BCAS1: variants seen among roughly 807,000 people sequenced by gnomAD.
BCAS1 encodes breast carcinoma-amplified sequence 1.
In BCAS1, 46 loss-of-function variants were observed where a neutral mutation model predicts 65.4. That is an observed-to-expected ratio of 0.70 (90% confidence interval 0.55 to 0.90). BCAS1 has a LOEUF of 0.90. Among genes scored for constraint, BCAS1 ranks in the 40% least tolerant of loss-of-function variants. BCAS1 has a pLI of 0.00. For synonymous variants in BCAS1, 298 were observed against 293.5 expected, an observed-to-expected ratio of 1.02 and a Z score of -0.16; for missense variants, 793 against 771.2, an observed-to-expected ratio of 1.03 and a Z score of -0.33.
intron 12 of BCAS1, among the ~76,000 whole-genome samples, chr20:53,952,849 C>T (rs2145501806): frequency 6.6e-6 from 1 of 152,356 alleles, no homozygotes; most frequent in South Asian, 2.1e-4. Flanking sequence ...GCAGTGCTCT[C>T]TGAACCTCTT....
intron 10 of BCAS1, among the ~76,000 whole-genome samples, chr20:53,964,553 T>C (rs571603851): frequency 1.2e-4 from 18 of 152,296 alleles, no homozygotes; most frequent in African/African-American, 2.6e-4. Context: ...TAAGAATCCA[T>C]TGGGGATTGC....
intron 3 of BCAS1, among the ~76,000 whole-genome samples, chr20:54,038,512 CA>C (rs2091936424): frequency 6.6e-6 from 1 of 151,166 alleles, no homozygotes. Flanking sequence ...CACAGCCTAG[CA>C]AACACTCCAC....
intron 3 of BCAS1, among the ~76,000 whole-genome samples, chr20:54,045,336 T>C (rs1013998751): frequency 6.6e-6 from 1 of 152,198 alleles, no homozygotes; most frequent in Non-Finnish European, 1.5e-5. Flanking sequence ...AGTATGTCTA[T>C]ACCTTGAAGT....
chr20:54,044,539 T>G lies in BCAS1; in HGVS notation c.142+13546A>C, dbSNP rs375564328. Among the ~76,000 whole-genome samples, 21 of 152,236 alleles carry G rather than the reference T, an allele frequency of 1.4e-4. 1 individual carries two copies. The highest frequency in any genetic ancestry group is 9.6e-4 in the East Asian group (5 of 5,186). ...GCCAATGTTTTATTTTTGAAAAATGTGAAGAAGAAATTTTCCGGCCGGGCG... is the reference window on the plus strand; with the variant it reads ...GCCAATGTTTTATTTTTGAAAAATGGGAAGAAGAAATTTTCCGGCCGGGCG... On this transcript the variant is annotated intron_variant, in intron 3 of 12. Coordinates refer to ENST00000688948, the MANE Select transcript of BCAS1 (RefSeq NM_001366298.2).
chr20:53,966,695 G>T (rs1187305916), intron 10 of BCAS1, among the ~76,000 whole-genome samples: 1 of 152,140 alleles, frequency 6.6e-6, no homozygotes, highest in East Asian at 1.9e-4. Context: ...ATTAAAGAAG[G>T]GTTAAAGAAT....
At chr20:53,981,149 G>A (rs747063790) in intron 8 of BCAS1, among the ~76,000 whole-genome samples, 9 of 152,172 alleles carry the variant, frequency 5.9e-5, no homozygotes, top group Non-Finnish European at 8.8e-5. Context: ...CATTTGCCCT[G>A]TTCCTAGTGA....
At chr20:54,065,329 T>C (rs1417929189) in intron 1 of BCAS1, among the ~76,000 whole-genome samples, 2 of 152,224 alleles carry the variant, frequency 1.3e-5, no homozygotes, top group African/African-American at 2.4e-5. Flanking sequence ...CTAAACGTTT[T>C]CTCCTTGGAA....
chr20:54,007,009 T>G (rs1218313651), intron 4 of BCAS1, among the ~76,000 whole-genome samples: 1 of 152,114 alleles, frequency 6.6e-6, no homozygotes, highest in Non-Finnish European at 1.5e-5. Flanking sequence ...GGTGAGGTGA[T>G]GGGCTGCTGG....
At chr20:53,951,726 C>T (rs1441524666) in intron 12 of BCAS1, among the ~76,000 whole-genome samples, 1 of 152,204 alleles carries the variant, frequency 6.6e-6, no homozygotes, top group Non-Finnish European at 1.5e-5. Flanking sequence ...ACAGCCTCAC[C>T]CACTTGGGTG....
chr20:53,989,646 C>A (rs1256538337), intron 7 of BCAS1, among the ~76,000 whole-genome samples: 1 of 152,156 alleles, frequency 6.6e-6, no homozygotes, highest in African/African-American at 2.4e-5. Context: ...TTCATTCCTG[C>A]CCACCACTCT....
chr20:53,990,507 G>A (rs1160248151), intron 7 of BCAS1, among the ~76,000 whole-genome samples: 1 of 152,070 alleles, frequency 6.6e-6, no homozygotes, highest in Non-Finnish European at 1.5e-5. Flanking sequence ...ACCAGAATTG[G>A]TAACTTTTTT....
chr20:54,054,006 C>T (rs1196116635), intron 3 of BCAS1, among the ~76,000 whole-genome samples: 1 of 152,160 alleles, frequency 6.6e-6, no homozygotes, highest in Non-Finnish European at 1.5e-5. Context: ...GGGGAGACCT[C>T]ACAATCATGG....
At chr20:54,012,467 T>TAA (rs11343372) in intron 4 of BCAS1, among the ~76,000 whole-genome samples, 278 of 108,146 alleles carry the variant, frequency 2.6e-3, no homozygotes, top group African/African-American at 9.0e-3. Flanking sequence ...AGTTAAAAAG[T>TAA]AAAAAAAAAA....
intron 10 of BCAS1, among the ~76,000 whole-genome samples, chr20:53,962,438 T>C (rs551346405): frequency 6.6e-6 from 1 of 152,276 alleles, no homozygotes; most frequent in African/African-American, 2.4e-5. Context: ...GTAAATGAAA[T>C]AAGGTAGGTG....
intron 4 of BCAS1, among the ~76,000 whole-genome samples, chr20:54,004,559 A>C (rs1381180000): frequency 1.3e-5 from 2 of 152,246 alleles, no homozygotes. Flanking sequence ...TGAAAGTGGC[A>C]CAAGACATAA....
At chr20:54,010,480 T>C (rs8119858) in intron 4 of BCAS1, among the ~76,000 whole-genome samples, 76 of 152,260 alleles carry the variant, frequency 5.0e-4, no homozygotes, top group African/African-American at 1.8e-3. Context: ...AAATTAAAAA[T>C]ACAATACCAT....
At chr20:53,967,156 C>T in intron 9 of BCAS1, 83 bp from the exon 10 acceptor site, 1 of 1,407,016 alleles carries the variant, frequency 7.1e-7, no homozygotes. Flanking sequence ...GTCCTTGTTG[C>T]CCCCCTGTCC....
At chr20:54,063,759 A>G (rs462174) in intron 1 of BCAS1, among the ~76,000 whole-genome samples, 74,956 of 151,986 alleles carry the variant, frequency 0.49, 20,129 homozygotes, top group African/African-American at 0.72. Context: ...GGCTCAAGGC[A>G]GTTCAGACAG....
At chr20:54,046,915 C>T (rs1246454445) in intron 3 of BCAS1, among the ~76,000 whole-genome samples, 1 of 151,708 alleles carries the variant, frequency 6.6e-6, no homozygotes, top group Admixed American at 6.6e-5. Context: ...ATGTCTGGAG[C>T]CACAGCTGGG....
Sources: allele counts gnomAD v4.1 joint callset (sites outside exome capture counted in the v4.1 genomes callset), GRCh38; gene constraint gnomAD v4.1.1; transcripts MANE v1.5; gene names NCBI Gene and HGNC (gene_info 2026-07-23, HGNC 2026-07-21).